Variants in FMN2 observed in about 807,000 individuals in gnomAD.
FMN2 encodes the protein formin-2.
In FMN2, 51 loss-of-function variants were observed where a neutral mutation model predicts 142.3. The observed-to-expected ratio is 0.36, with a 90% confidence interval of 0.29 to 0.45. FMN2 has a LOEUF of 0.45. Ranked by LOEUF, FMN2 falls within the 20% of genes least tolerant of loss-of-function variation. FMN2 has a pLI of 1.00. For synonymous variants in FMN2, 882 were observed against 869.8 expected (o/e 1.01, Z -0.25); for missense variants, 1,936 against 2,122.8 (o/e 0.91, Z 1.73).
chr1:240,320,521 C>T (rs1019633495), intron 8 of FMN2, among the ~76,000 whole-genome samples: 4 of 152,092 alleles, frequency 2.6e-5, no homozygotes, highest in African/African-American at 9.7e-5. Flanking sequence ...AGAGAGTGGA[C>T]CTGGGACCGA....
chr1:240,443,942 C>T (rs2103193077), intron 16 of FMN2, among the ~76,000 whole-genome samples: 1 of 152,106 alleles, frequency 6.6e-6, no homozygotes, highest in Non-Finnish European at 1.5e-5. Flanking sequence ...ACTAATGAGG[C>T]TCTGTGGAGC....
At chr1:240,474,039 GA>G (rs1676895074) in intron 17 of FMN2, 88 bp from the exon 18 acceptor site, 1 of 1,149,864 alleles carries the variant, frequency 8.7e-7, no homozygotes, top group Non-Finnish European at 1.2e-6. Flanking sequence ...TGATCCAAAT[GA>G]AAAGGTCTTT....
At chr1:240,416,813 T>C (rs1309335375) in intron 15 of FMN2, among the ~76,000 whole-genome samples, 3 of 152,014 alleles carry the variant, frequency 2.0e-5, no homozygotes, top group African/African-American at 4.8e-5. Flanking sequence ...AAATTTCTGC[T>C]CTTTAATATT....
At chr1:240,366,073 G>A (rs1207163868) in intron 14 of FMN2, among the ~76,000 whole-genome samples, 1 of 151,902 alleles carries the variant, frequency 6.6e-6, no homozygotes, top group Non-Finnish European at 1.5e-5. Context: ...AACCTCAGCT[G>A]GAAACATGCT....
chr1:240,106,748 G>C (rs1204135869), intron 1 of FMN2, among the ~76,000 whole-genome samples: 4 of 150,664 alleles, frequency 2.7e-5, no homozygotes, highest in Non-Finnish European at 5.9e-5. Context: ...GCAATGGCGC[G>C]ATCTTGCTCA....
intron 6 of FMN2, among the ~76,000 whole-genome samples, chr1:240,218,549 C>T (rs1666991766): frequency 7.2e-6 from 1 of 139,384 alleles, no homozygotes; most frequent in African/African-American, 2.8e-5. Flanking sequence ...ATAGTGAGAC[C>T]CCATCTCATC....
rs558735945 is a variant in FMN2 at position 240,171,353 on chromosome 1, C to T, written c.1783-6568C>T. On this transcript the variant is annotated intron_variant, in intron 2 of 17. Transcript: ENST00000319653. ...GATGTGATGGGAGCAGCCTAACAGGCAGAGAGAAGCGCCTCCTAGACCTTC... is the reference window on the plus strand; with the variant it reads ...GATGTGATGGGAGCAGCCTAACAGGTAGAGAGAAGCGCCTCCTAGACCTTC... The T allele has an allele frequency of 6.9e-5, 42 of 606,316 alleles. No individual in the cohort carries two copies. In the African/African-American group the frequency reaches 7.2e-4, roughly 10 times the overall value. The allele number at this position is 606,316 out of a possible 1,614,324, so 37.6% of individuals were successfully genotyped here. A position where few individuals can be genotyped will look rare whatever the true frequency, so the allele number is the denominator to read the frequency against.
At position 240,211,137 on chromosome 1, in the gene FMN2, A is replaced by T. The variant is rs145474534; in HGVS notation, c.3967A>T (p.Ile1323Leu). ...TTGGGAAAAAATTGAAGAGCCATCCATAGATTGTCATGAATTTGAGGAATT... is the reference window on the plus strand; with the variant it reads ...TTGGGAAAAAATTGAAGAGCCATCCTTAGATTGTCATGAATTTGAGGAATT... ...LIWEKIEEPSIDCHEFEELFS... is the reference protein window; with the variant it reads ...LIWEKIEEPSLDCHEFEELFS... Residue 1323 changes from isoleucine (I) to leucine (L), a missense_variant, in exon 6 of 18, where the codon ATA (isoleucine) becomes TTA (leucine). Ile to Leu is a conservative substitution (Grantham distance 5, BLOSUM62 2). Around this residue, in one of 8 missense-constraint regions of FMN2, gnomAD observed 259 missense variants for 230.9 expected, o/e 1.12. Coordinates refer to ENST00000319653, the MANE Select transcript of FMN2 (RefSeq NM_020066.5). The T allele has an allele frequency of 2.5e-6, 4 of 1,613,574 alleles. No individual in the cohort carries two copies. In the African/African-American group the frequency reaches 5.3e-5, roughly 22 times the overall value.
chr1:240,206,919 G>A lies in FMN2; in HGVS notation c.2107G>A (p.Glu703Lys). Residue 703 changes from glutamate to lysine, a missense_variant, in exon 5 of 18, where the codon GAG becomes AAG. Glu to Lys is a moderately conservative substitution (Grantham distance 56). This residue lies in a region of FMN2 where 478 missense variants were observed against 462.8 expected (regional missense o/e 1.03). Transcript: ENST00000319653. ...LERQYPALDTEVASGHQGLEN... is the reference protein window; with the variant it reads ...LERQYPALDTKVASGHQGLEN... The stretch of plus-strand genomic sequence containing the variant: ...GAGGCAGTATCCTGCCCTGGACACA[G>A]AGGTGGCCAGTGGTCATCAAGGGCT... 6.2e-7 allele frequency: 1 copy of A among 1,614,206 alleles called. No homozygotes were observed. The highest frequency in any genetic ancestry group is 1.7e-5 in the Admixed American group (1 of 60,030).
intron 8 of FMN2, among the ~76,000 whole-genome samples, chr1:240,297,609 AAAAAAAAG>A (rs1158089443): frequency 9.9e-4 from 151 of 151,842 alleles, no homozygotes; most frequent in South Asian, 1.5e-3. Flanking sequence ...AAAAAAAAAA[AAAAAAAAG>A]AATATTTTAT....
At chr1:240,148,401 G>A (rs1482027185) in intron 2 of FMN2, among the ~76,000 whole-genome samples, 1 of 125,910 alleles carries the variant, frequency 7.9e-6, no homozygotes, top group Non-Finnish European at 1.7e-5. Flanking sequence ...GAGAAAGACA[G>A]AGAGACAGAG....
At chr1:240,118,172 T>C (rs1662097353) in intron 1 of FMN2, among the ~76,000 whole-genome samples, 1 of 151,748 alleles carries the variant, frequency 6.6e-6, no homozygotes, top group Non-Finnish European at 1.5e-5. Flanking sequence ...ATCTGGTGAG[T>C]GTTGCGGGGG....
At chr1:240,144,477 G>A in intron 2 of FMN2, 2 of 1,554,652 alleles carry the variant, frequency 1.3e-6, no homozygotes, top group Non-Finnish European at 1.8e-6. Context: ...AACACCCCAT[G>A]CCAGCCTAGC....
intron 13 of FMN2, among the ~76,000 whole-genome samples, chr1:240,355,092 G>A (rs994324502): frequency 6.6e-6 from 1 of 152,076 alleles, no homozygotes; most frequent in African/African-American, 2.4e-5. Flanking sequence ...AAACTTTGGT[G>A]TTAGATCAGG....
At chr1:240,220,767 G>A (rs536716126) in intron 6 of FMN2, among the ~76,000 whole-genome samples, 1 of 152,066 alleles carries the variant, frequency 6.6e-6, no homozygotes, top group East Asian at 1.9e-4. Flanking sequence ...TGCAGAACAT[G>A]CAGGTTTGTT....
intron 14 of FMN2, among the ~76,000 whole-genome samples, chr1:240,372,153 T>G (rs756992264): frequency 4.6e-5 from 7 of 152,124 alleles, no homozygotes; most frequent in Non-Finnish European, 7.4e-5. Flanking sequence ...GAAGAATTGC[T>G]TGAACCTGGG....
At chr1:240,153,980 G>T (rs992380716) in intron 2 of FMN2, among the ~76,000 whole-genome samples, 23 of 151,716 alleles carry the variant, frequency 1.5e-4, no homozygotes, top group African/African-American at 5.6e-4. Context: ...GCCAGGTGTG[G>T]TGGTGCATGC....
At chr1:240,397,625 C>T (rs954792308) in intron 15 of FMN2, among the ~76,000 whole-genome samples, 2 of 151,728 alleles carry the variant, frequency 1.3e-5, no homozygotes, top group Middle Eastern at 3.4e-3. Context: ...CCTGTCTCTA[C>T]TAAAAATACA....
intron 15 of FMN2, among the ~76,000 whole-genome samples, chr1:240,415,624 A>G (rs1008881660): frequency 6.6e-6 from 1 of 152,184 alleles, no homozygotes; most frequent in African/African-American, 2.4e-5. Flanking sequence ...CAGCACCTGC[A>G]CTCGGTGTAA....
Sources: gnomAD v4.1 joint callset for allele counts (sites outside exome capture counted in the v4.1 genomes callset) on GRCh38, gnomAD v4.1.1 for gene constraint, gnomAD v4.1.1 regional missense constraint, MANE v1.5 for transcripts, NCBI Gene and HGNC (gene_info 2026-07-23, HGNC 2026-07-21) for gene names.